The following ELP3 variants were observed in gnomAD, a reference collection of about 807,000 sequenced individuals.
ELP3 encodes the protein elongator acetyltransferase complex subunit 3.
In ELP3, 56 loss-of-function variants were observed where a neutral mutation model predicts 74.9. The observed-to-expected ratio is 0.75, with a 90% confidence interval of 0.60 to 0.93. ELP3 has a LOEUF of 0.93. ELP3 is among the 40% of genes least tolerant of loss of function. ELP3 has a pLI of 0.00. For synonymous variants in ELP3, 222 were observed against 239.8 expected, an observed-to-expected ratio of 0.93 and a Z score of 0.68; for missense variants, 573 against 686.5, an observed-to-expected ratio of 0.83 and a Z score of 1.85.
chr8:28,160,114 A>C, intron 12 of ELP3, 115 bp from the exon 13 acceptor site: 1 of 902,526 alleles, frequency 1.1e-6, no homozygotes, highest in Non-Finnish European at 1.7e-6. Flanking sequence ...ATAATTAGTG[A>C]TTATTCATTC....
intron 10 of ELP3, among the ~76,000 whole-genome samples, chr8:28,153,580 CAG>C (rs1030247702): frequency 6.6e-6 from 1 of 152,126 alleles, no homozygotes; most frequent in Non-Finnish European, 1.5e-5. Flanking sequence ...AGCAGGACAA[CAG>C]AGCATCATTT....
At position 28,099,273 on chromosome 8, in the gene ELP3, T is replaced by C. The variant is rs572347788; in HGVS notation, c.120-555T>C. Among the ~76,000 whole-genome samples, 4 of 149,824 alleles carry C rather than the reference T, an allele frequency of 2.7e-5. No individual in the cohort carries two copies. The South Asian group carries it at 8.3e-4, about 31-fold the overall frequency. On this transcript the variant is annotated intron_variant, in intron 2 of 14. Coordinates refer to ENST00000256398, the MANE Select transcript of ELP3 (RefSeq NM_018091.6). ...TTGGTTCTGCATAGCCATCCTTGAT[T>C]TTTTTTTTAATTGTTGTTGTTGTTT...
At chr8:28,138,243 G>A (rs971207077) in intron 10 of ELP3, among the ~76,000 whole-genome samples, 3 of 152,118 alleles carry the variant, frequency 2.0e-5, no homozygotes, top group Admixed American at 1.3e-4. Context: ...AAGTGTGGCC[G>A]TGTGTGCAAT....
chr8:28,136,845 T>C (rs1340849761), intron 9 of ELP3, among the ~76,000 whole-genome samples: 1 of 152,212 alleles, frequency 6.6e-6, no homozygotes, highest in African/African-American at 2.4e-5. Flanking sequence ...AAAACAAGAT[T>C]AGAGCAAATT....
chr8:28,105,120 G>A (rs762844732), intron 3 of ELP3, among the ~76,000 whole-genome samples: 15 of 151,982 alleles, frequency 9.9e-5, no homozygotes, highest in South Asian at 4.1e-4. Flanking sequence ...GGTGGCTCAC[G>A]CCTGTAATCC....
At position 28,158,058 on chromosome 8, in the gene ELP3, A is replaced by G. The variant is rs1023220281; in HGVS notation, c.1192-510A>G. Among the ~76,000 whole-genome samples the G allele has an allele frequency of 3.6e-4, 55 of 151,556 alleles. 1 individual carries two copies. The highest frequency in any genetic ancestry group is 1.4e-3 in the Admixed American group (21 of 15,202). On this transcript the variant is annotated intron_variant, in intron 11 of 14. Transcript: ENST00000256398. ...CCACAGTGCCCTTCTTGCAAAAAAAAAAAAAAAAAAAAGCCATCTTCAACA... is the reference window on the plus strand; with the variant it reads ...CCACAGTGCCCTTCTTGCAAAAAAAGAAAAAAAAAAAAGCCATCTTCAACA...
rs147341140 is a variant in ELP3 at position 28,145,843 on chromosome 8, C to T, written c.1100+7952C>T. ...TTCGCCATGTCGGCCAGGCTGGTTTCGAACTCCTGACCTCAGGTGATCCAC... is the reference window on the plus strand; with the variant it reads ...TTCGCCATGTCGGCCAGGCTGGTTTTGAACTCCTGACCTCAGGTGATCCAC... On this transcript the variant is annotated intron_variant, in intron 10 of 14. Transcript: ENST00000256398. Among the ~76,000 whole-genome samples the T allele has an allele frequency of 6.5e-3, 995 of 152,246 alleles. 10 individuals are homozygous for T. The highest frequency in any genetic ancestry group is 0.023 in the African/African-American group (965 of 41,562).
At chr8:28,142,670 G>A (rs1813289864) in intron 10 of ELP3, among the ~76,000 whole-genome samples, 1 of 152,184 alleles carries the variant, frequency 6.6e-6, no homozygotes. Context: ...GTCATCCAGA[G>A]TCTAGCTGTG....
At chr8:28,090,887 T>C (rs1811033124), upstream of ELP3, among the ~76,000 whole-genome samples, 1 of 149,932 alleles carries the variant, frequency 6.7e-6, no homozygotes, top group Non-Finnish European at 1.5e-5. Context: ...TCAGAGAGAA[T>C]AGATTGTAAA....
intron 10 of ELP3, among the ~76,000 whole-genome samples, chr8:28,149,789 G>T (rs1465870250): frequency 6.6e-6 from 1 of 151,970 alleles, no homozygotes; most frequent in Non-Finnish European, 1.5e-5. Context: ...TCTAATATAG[G>T]CATTCAGTGC....
rs1815434204 is a variant in ELP3 at position 28,190,827 on chromosome 8, G to A, written c.*1102G>A. 1 of 152,176 alleles carries A rather than the reference G, an allele frequency of 6.6e-6. No homozygotes were observed. Among genetic ancestry groups the A allele is most frequent in the Non-Finnish European group, 1.5e-5 (1 of 68,064 alleles). 9.4% of individuals were successfully genotyped at this position (152,176 alleles called of 1,614,324 possible). ...ACCCACCTTGGCCTCCCTAAATGCC[G>A]GGATTACAGGCATGAGCCACCGCTC... is the stretch of plus-strand genomic sequence containing the variant. On this transcript the variant is annotated 3_prime_UTR_variant, in exon 15 of 15. Coordinates refer to ENST00000256398, the MANE Select transcript of ELP3 (RefSeq NM_018091.6).
At chr8:28,164,101 A>G (rs1247855284) in intron 14 of ELP3, among the ~76,000 whole-genome samples, 1 of 152,218 alleles carries the variant, frequency 6.6e-6, no homozygotes, top group Non-Finnish European at 1.5e-5. Context: ...ATGGAAGAGC[A>G]TGCATATTCC....
chr8:28,161,610 GAAAAAAA>G (rs1163846087), intron 13 of ELP3, among the ~76,000 whole-genome samples: 1 of 60,608 alleles, frequency 1.6e-5, no homozygotes, highest in East Asian at 5.4e-4. Context: ...CGTCTCAAGA[GAAAAAAA>G]AAAAAAAAAA....
chr8:28,146,138 G>A (rs1052511790), intron 10 of ELP3, among the ~76,000 whole-genome samples: 3 of 151,968 alleles, frequency 2.0e-5, no homozygotes, highest in Non-Finnish European at 4.4e-5. Flanking sequence ...GTTGAGTTAG[G>A]AACATCTTCC....
intron 1 of ELP3, 117 bp downstream of exon 1, chr8:28,093,350 C>G (rs1220780926): frequency 7.0e-7 from 1 of 1,420,392 alleles, no homozygotes; most frequent in Non-Finnish European, 9.6e-7. Context: ...CCAGTCGCCC[C>G]GCCACCTAGG....
chr8:28,186,410 A>C (rs941190338), intron 14 of ELP3, among the ~76,000 whole-genome samples: 2 of 152,222 alleles, frequency 1.3e-5, no homozygotes, highest in African/African-American at 4.8e-5. Context: ...AGGGTTCGGC[A>C]ATTTCAAAAA....
At chr8:28,156,804 A>G (rs1368214449) in intron 11 of ELP3, among the ~76,000 whole-genome samples, 2 of 152,180 alleles carry the variant, frequency 1.3e-5, no homozygotes, top group Non-Finnish European at 2.9e-5. Flanking sequence ...CAAGGATTGC[A>G]TATGGTGTTT....
chr8:28,128,552 A>G (rs994449790), intron 7 of ELP3, among the ~76,000 whole-genome samples: 3 of 152,188 alleles, frequency 2.0e-5, no homozygotes, highest in Non-Finnish European at 4.4e-5. Context: ...GCAGTGTGGT[A>G]ACTGGAATAC....
intron 10 of ELP3, among the ~76,000 whole-genome samples, chr8:28,143,687 C>T (rs1038635939): frequency 6.6e-6 from 1 of 152,042 alleles, no homozygotes; most frequent in Non-Finnish European, 1.5e-5. Context: ...TTTCTTCTTC[C>T]TTTTTTAAAT....
Sources: allele counts gnomAD v4.1 joint callset (sites outside exome capture counted in the v4.1 genomes callset), GRCh38; gene constraint gnomAD v4.1.1; transcripts MANE v1.5; gene names NCBI Gene and HGNC (gene_info 2026-07-23, HGNC 2026-07-21).